The following DENND1A variants were observed in gnomAD, a reference collection of about 807,000 sequenced individuals.
DENND1A encodes DENN domain containing 1A, also known as DENN domain-containing protein 1A.
A neutral mutation model predicts 113.7 loss-of-function variants in DENND1A; 51 were observed. That is an observed-to-expected ratio of 0.45 (90% CI 0.36 to 0.57). The LOEUF is 0.57. Among genes scored for constraint, DENND1A ranks in the 20% least tolerant of loss-of-function variants. The pLI is 0.00. For missense variants in DENND1A, 1,258 were observed against 1,395.9 expected (o/e 0.90, Z 1.57); for synonymous variants, 565 against 570.8 (o/e 0.99, Z 0.14).
Position 123,929,980 on chromosome 9 carries a change from C to T in DENND1A, c.-75G>A. The T allele has an allele frequency of 3.6e-6, 1 of 281,536 alleles. No homozygotes were observed. Among genetic ancestry groups the T allele is most frequent in the Non-Finnish European group, 6.5e-6 (1 of 154,430 alleles). The allele number at this position is 281,536 out of a possible 1,614,324, so 17.4% of individuals were successfully genotyped here. ...GCCCGCCCGCCCGCGGCCGACCGGC[C>T]TCCCTCTGGCGCTCTCCCCGCCCCT... is the stretch of plus-strand genomic sequence containing the variant. On this transcript the variant is annotated 5_prime_UTR_variant, in exon 1 of 24. Coordinates refer to ENST00000394215, the MANE Select transcript of DENND1A (RefSeq NM_001352964.2).
chr9:123,604,109 C>T (rs2060046118), intron 11 of DENND1A, among the ~76,000 whole-genome samples: 1 of 152,214 alleles, frequency 6.6e-6, no homozygotes, highest in African/African-American at 2.4e-5. Context: ...ACTGCAGCCT[C>T]CAAGGCCCTG....
At chr9:123,392,808 C>T (rs1039349921) in intron 21 of DENND1A, among the ~76,000 whole-genome samples, 2 of 152,110 alleles carry the variant, frequency 1.3e-5, no homozygotes, top group Admixed American at 6.5e-5. Flanking sequence ...TATCCCTCAC[C>T]CCCTTCCTAC....
intron 21 of DENND1A, chr9:123,400,212 G>T (rs2131254811): frequency 6.6e-6 from 1 of 152,368 alleles, no homozygotes; most frequent in East Asian, 1.9e-4. Context: ...CCAACGGCCA[G>T]TTTTAAGGGA....
At chr9:123,491,177 T>C (rs1333105948) in intron 13 of DENND1A, among the ~76,000 whole-genome samples, 1 of 152,220 alleles carries the variant, frequency 6.6e-6, no homozygotes, top group Admixed American at 6.5e-5. Context: ...ACTGTGATGA[T>C]GGCATTTGGG....
At chr9:123,518,584 G>T (rs1030057209) in intron 13 of DENND1A, among the ~76,000 whole-genome samples, 3 of 152,228 alleles carry the variant, frequency 2.0e-5, no homozygotes, top group African/African-American at 7.2e-5. Context: ...TTGCAAAGGG[G>T]ATATAATAAT....
intron 19 of DENND1A, among the ~76,000 whole-genome samples, chr9:123,419,621 A>T (rs1017637576): frequency 2.0e-5 from 3 of 152,248 alleles, no homozygotes; most frequent in African/African-American, 7.2e-5. Flanking sequence ...AGTTTTACAA[A>T]GGGCCTCTGC....
At position 123,457,775 on chromosome 9, in the gene DENND1A, G is replaced by A. The variant is rs201316760; in HGVS notation, c.1098+18C>T. 1.6e-4 allele frequency: 256 copies of A among 1,596,802 alleles called. No homozygotes were observed. In the African/African-American group the frequency reaches 3.1e-3, roughly 19 times the overall value. On this transcript the variant is annotated intron_variant, in intron 14 of 23. Coordinates refer to ENST00000394215, the MANE Select transcript of DENND1A (RefSeq NM_001352964.2). ...CCGCCAGGGAGCCAGACCCAGGCCAGACCAGGGAGGGAGGCACCTGCTTGA... is the reference window on the plus strand; with the variant it reads ...CCGCCAGGGAGCCAGACCCAGGCCAAACCAGGGAGGGAGGCACCTGCTTGA...
intron 5 of DENND1A, among the ~76,000 whole-genome samples, chr9:123,731,432 G>A (rs918956586): frequency 2.0e-5 from 3 of 152,082 alleles, no homozygotes; most frequent in African/African-American, 7.2e-5. Flanking sequence ...TAATTTTTGC[G>A]AAGGCACAAG....
chr9:123,888,606 A>G (rs1172180838), intron 1 of DENND1A, among the ~76,000 whole-genome samples: 3 of 152,214 alleles, frequency 2.0e-5, no homozygotes, highest in Non-Finnish European at 4.4e-5. Flanking sequence ...CTGAAGAAAC[A>G]TCAGACAAAA....
chr9:123,530,038 G>A (rs564809642), intron 13 of DENND1A, among the ~76,000 whole-genome samples: 2 of 152,264 alleles, frequency 1.3e-5, no homozygotes, highest in African/African-American at 4.8e-5. Context: ...ATAACAGAGA[G>A]ATCAAGGGTA....
At chr9:123,796,747 A>T (rs1171298990) in intron 2 of DENND1A, among the ~76,000 whole-genome samples, 1 of 141,200 alleles carries the variant, frequency 7.1e-6, no homozygotes, top group Non-Finnish European at 1.5e-5. Flanking sequence ...GGTAACTCCT[A>T]TGTGTACATA....
At chr9:123,513,831 T>C (rs1043504965) in intron 13 of DENND1A, among the ~76,000 whole-genome samples, 1 of 152,186 alleles carries the variant, frequency 6.6e-6, no homozygotes, top group African/African-American at 2.4e-5. Context: ...CTTTTGATCA[T>C]GTCCTGCACT....
intron 2 of DENND1A, among the ~76,000 whole-genome samples, chr9:123,864,575 C>T (rs1845554522): frequency 1.3e-5 from 2 of 152,222 alleles, no homozygotes; most frequent in South Asian, 4.1e-4. Context: ...AATGTGAGAG[C>T]GCCTTCCTTT....
intron 13 of DENND1A, among the ~76,000 whole-genome samples, chr9:123,481,797 C>CT (rs199644080): frequency 0.14 from 18,918 of 138,054 alleles, 1,445 homozygotes; most frequent in Admixed American, 0.19. Flanking sequence ...TTCTTTCTTT[C>CT]TTTTTTTTTT....
chr9:123,498,029 G>A lies in DENND1A; in HGVS notation c.994-40132C>T, dbSNP rs570571897. ...TGCACAGGGATGAAGAAAGATATGC[G>A]CAATTTTAGGGCTCATGTCAGAAAG... On this transcript the variant is annotated intron_variant, in intron 13 of 23. Coordinates refer to ENST00000394215, the MANE Select transcript of DENND1A (RefSeq NM_001352964.2). 1.3e-4 allele frequency among the ~76,000 whole-genome samples: 20 copies of A among 152,312 alleles called. No homozygotes were observed. In the East Asian group the frequency reaches 2.7e-3, roughly 21 times the overall value.
At chr9:123,730,958 C>T (rs967435958) in intron 5 of DENND1A, among the ~76,000 whole-genome samples, 2 of 152,076 alleles carry the variant, frequency 1.3e-5, no homozygotes, top group Admixed American at 6.5e-5. Context: ...TTCTTTGCAG[C>T]GACATGGATG....
At chr9:123,805,437 A>T (rs1030600462) in intron 2 of DENND1A, among the ~76,000 whole-genome samples, 1 of 145,864 alleles carries the variant, frequency 6.9e-6, no homozygotes, top group Non-Finnish European at 1.5e-5. Flanking sequence ...AATTTATACA[A>T]TTTTTTTTTT....
rs76973634 is a variant in DENND1A, at chr9:123,883,073, C to T, written c.18-4052G>A. On this transcript the variant is annotated intron_variant, in intron 1 of 23. Coordinates refer to ENST00000394215, the MANE Select transcript of DENND1A (RefSeq NM_001352964.2). ...CCAAAGAGAAGTCCCATCTTACAGT[C>T]CTTTATATTGATCTTCACACAGGTG... 1.8e-3 allele frequency among the ~76,000 whole-genome samples: 275 copies of T among 152,306 alleles called. 1 individual carries two copies. Among genetic ancestry groups the T allele is most frequent in the African/African-American group, 5.6e-3 (233 of 41,568 alleles).
At chr9:123,630,326 C>T in intron 10 of DENND1A, 50 bp downstream of exon 10, 1 of 1,346,796 alleles carries the variant, frequency 7.4e-7, no homozygotes, top group Non-Finnish European at 9.9e-7. Flanking sequence ...CTAACACGCC[C>T]AGTCAGATCA....
Sources: gnomAD v4.1 joint callset for allele counts (sites outside exome capture counted in the v4.1 genomes callset) on GRCh38, gnomAD v4.1.1 for gene constraint, MANE v1.5 for transcripts, NCBI Gene and HGNC (gene_info 2026-07-23, HGNC 2026-07-21) for gene names.